FIG4: variants seen among roughly 807,000 people sequenced by gnomAD.
The protein encoded by FIG4 is FIG4 phosphoinositide 5-phosphatase.
Under a neutral mutation model 118.6 loss-of-function variants are expected in FIG4, and 112 were observed. That is an observed-to-expected ratio of 0.94 (90% CI 0.81 to 1.11). FIG4 has a LOEUF of 1.11. Ranked by LOEUF, FIG4 falls within the 50% of genes least tolerant of loss-of-function variation. The pLI is 0.00. For missense variants in FIG4, 969 were observed against 1,111.7 expected (o/e 0.87, Z 1.83); for synonymous variants, 369 against 381.2 (o/e 0.97, Z 0.37).
chr6:109,785,114 C>A, intron 17 of FIG4, 86 bp downstream of exon 17: 1 of 805,680 alleles, frequency 1.2e-6, no homozygotes, highest in Non-Finnish European at 2.2e-6. Context: ...ATCCTTTGCA[C>A]ATAGTATTTT....
Position 109,804,392 on chromosome 6 carries a change from T to A in FIG4, c.2546+7541T>A, listed in dbSNP as rs75182768. On this transcript the variant is annotated intron_variant, in intron 22 of 22. Transcript: ENST00000230124. Reference sequence around the variant, plus strand: ...AACCATTCCTTTTGTACAATGAAGATGAGTGTCCAGGTATGATGTATTTAT... The same window carrying A: ...AACCATTCCTTTTGTACAATGAAGAAGAGTGTCCAGGTATGATGTATTTAT... 9.0e-3 allele frequency among the ~76,000 whole-genome samples: 1,364 copies of A among 152,270 alleles called. 20 individuals are homozygous for A. Among genetic ancestry groups the A allele is most frequent in the African/African-American group, 0.032 (1,314 of 41,538 alleles).
chr6:109,815,347 C>T (rs1276403854), intron 22 of FIG4, among the ~76,000 whole-genome samples: 1 of 151,978 alleles, frequency 6.6e-6, no homozygotes, highest in Non-Finnish European at 1.5e-5. Context: ...ATGCCTGCCT[C>T]TCCCTGCTTG....
intron 13 of FIG4, 51 bp downstream of exon 13, chr6:109,764,033 A>G: frequency 2.5e-6 from 3 of 1,194,148 alleles, no homozygotes; most frequent in Non-Finnish European, 3.8e-6. Flanking sequence ...TCCATTGTGT[A>G]CTGTATGTTT....
chr6:109,806,243 G>C (rs1778560949), intron 22 of FIG4, among the ~76,000 whole-genome samples: 1 of 152,100 alleles, frequency 6.6e-6, no homozygotes, highest in East Asian at 1.9e-4. Flanking sequence ...TTGTTTGTTA[G>C]GTTTATTGTT....
intron 21 of FIG4, 43 bp from the exon 22 acceptor site, chr6:109,796,721 AG>A (rs1456500099): frequency 1.8e-6 from 2 of 1,101,628 alleles, no homozygotes; most frequent in African/African-American, 3.1e-5. Flanking sequence ...ATTAATTGCA[AG>A]TACTCCCTTC....
chr6:109,691,495 T>C lies in FIG4; in HGVS notation c.60T>C (p.Thr20=), dbSNP rs1464024230. ...SSVQKLVLYE[T]RARYFLVGSN... ...TCCAGAAGCTGGTTCTGTATGAGAC[T>C]AGAGCTGTGAGTACCCCCTCGCGGC... is the stretch of plus-strand genomic sequence containing the variant. The change falls in exon 1 of 23, where the codon ACT becomes ACC. Residue 20 remains threonine (T), a synonymous_variant. Coordinates refer to ENST00000230124, the MANE Select transcript of FIG4 (RefSeq NM_014845.6). 6.3e-7 allele frequency: 1 copy of C among 1,579,238 alleles called. No homozygotes were observed.
chr6:109,697,428 T>C (rs1774763309), intron 1 of FIG4, among the ~76,000 whole-genome samples: 1 of 152,174 alleles, frequency 6.6e-6, no homozygotes, highest in African/African-American at 2.4e-5. Flanking sequence ...ACTTCCCAAA[T>C]AGCTAACTCA....
chr6:109,825,295 T>A lies in FIG4; in HGVS notation c.*30T>A, dbSNP rs1779129021. On this transcript the variant is annotated 3_prime_UTR_variant, in exon 23 of 23. Transcript: ENST00000230124. Reference sequence around the variant, plus strand: ...AGCGCAGGTCCACCTGGTGGACACGTCTGATTAGCTTAGAACCTGTCTTGT... The same window carrying A: ...AGCGCAGGTCCACCTGGTGGACACGACTGATTAGCTTAGAACCTGTCTTGT... 6.3e-7 allele frequency: 1 copy of A among 1,598,194 alleles called. No homozygotes were observed. The highest frequency in any genetic ancestry group is 8.6e-7 in the Non-Finnish European group (1 of 1,165,940).
At chr6:109,738,183 A>G in intron 6 of FIG4, 142 bp from the exon 7 acceptor site, 1 of 706,032 alleles carries the variant, frequency 1.4e-6, no homozygotes, top group Non-Finnish European at 2.5e-6. Flanking sequence ...CAAGCATGTT[A>G]CTTTGAAGTT....
At position 109,786,430 on chromosome 6, in the gene FIG4, G is replaced by A; in HGVS notation, c.2077G>A (p.Ala693Thr). The A allele has an allele frequency of 2.5e-6, 4 of 1,613,876 alleles. No homozygotes were observed. Among genetic ancestry groups the A allele is most frequent in the Non-Finnish European group, 3.4e-6 (4 of 1,179,806 alleles). Residue 693 changes from alanine to threonine, a missense_variant, in exon 18 of 23, where the codon GCT becomes ACT. This residue lies in a region of FIG4 where 330 missense variants were observed against 348.1 expected (regional missense o/e 0.95). Transcript: ENST00000230124. ...LSSFDDTFCL[A>T]MTSSARDFMP... Reference sequence around the variant, plus strand: ...CAGCTTTGATGATACCTTTTGCTTGGCTATGACAAGCTCAGCACGGTATGT... The same window carrying A: ...CAGCTTTGATGATACCTTTTGCTTGACTATGACAAGCTCAGCACGGTATGT...
At chr6:109,807,433 C>A (rs1214543882) in intron 22 of FIG4, among the ~76,000 whole-genome samples, 1 of 152,088 alleles carries the variant, frequency 6.6e-6, no homozygotes, top group Non-Finnish European at 1.5e-5. Context: ...CTGTTCATAT[C>A]CTTCTCCCAC....
intron 10 of FIG4, among the ~76,000 whole-genome samples, chr6:109,749,038 A>G (rs1021160519): frequency 6.9e-6 from 1 of 144,360 alleles, no homozygotes; most frequent in Non-Finnish European, 1.5e-5. Flanking sequence ...AACTACATGC[A>G]TGGGCTCAAA....
At chr6:109,796,115 G>A (rs1203712574) in intron 21 of FIG4, among the ~76,000 whole-genome samples, 2 of 152,250 alleles carry the variant, frequency 1.3e-5, no homozygotes, top group East Asian at 1.9e-4. Flanking sequence ...CCTTAGTGCT[G>A]TTCAAGTCTG....
chr6:109,733,943 A>T (rs1346339498), intron 5 of FIG4, among the ~76,000 whole-genome samples: 1 of 151,996 alleles, frequency 6.6e-6, no homozygotes, highest in Non-Finnish European at 1.5e-5. Context: ...GTAGGCTTTT[A>T]AAAAGGTTAT....
chr6:109,798,507 TCAAC>T (rs1307839048), intron 22 of FIG4, among the ~76,000 whole-genome samples: 2 of 152,138 alleles, frequency 1.3e-5, no homozygotes, highest in African/African-American at 4.8e-5. Context: ...GACAGTTGGA[TCAAC>T]CAATCTGGAA....
intron 12 of FIG4, 25 bp from the exon 13 acceptor site, chr6:109,763,912 T>G: frequency 6.4e-7 from 1 of 1,569,364 alleles, no homozygotes; most frequent in Non-Finnish European, 8.8e-7. Context: ...TTAAGTTTTT[T>G]AAAAGTGTTT....
At chr6:109,695,593 CACACACAG>C (rs1436140930) in intron 1 of FIG4, among the ~76,000 whole-genome samples, 4 of 150,876 alleles carry the variant, frequency 2.7e-5, no homozygotes, top group South Asian at 4.2e-4. Context: ...CACACACACA[CACACACAG>C]ACACACACAC....
At chr6:109,755,957 G>T (rs141678120) in intron 10 of FIG4, among the ~76,000 whole-genome samples, 7 of 152,168 alleles carry the variant, frequency 4.6e-5, no homozygotes, top group African/African-American at 1.7e-4. Context: ...ATATTGTTAT[G>T]TGTGAATTTG....
intron 12 of FIG4, 132 bp downstream of exon 12, chr6:109,762,339 T>C (rs1158849275): frequency 1.5e-6 from 1 of 685,980 alleles, no homozygotes; most frequent in African/African-American, 1.8e-5. Flanking sequence ...CTCACATGAC[T>C]GAGTGCTGAA....
Sources: allele counts gnomAD v4.1 joint callset (sites outside exome capture counted in the v4.1 genomes callset), GRCh38; gene constraint gnomAD v4.1.1; regional missense constraint gnomAD v4.1.1; transcripts MANE v1.5; gene names NCBI Gene and HGNC (gene_info 2026-07-23, HGNC 2026-07-21).